PLGRKT: variants seen among roughly 807,000 people sequenced by gnomAD.
The protein encoded by PLGRKT is plasminogen receptor with a C-terminal lysine.
In PLGRKT, 22 loss-of-function variants were observed where a neutral mutation model predicts 18.5. The observed-to-expected ratio is 1.19, with a 90% confidence interval of 0.85 to 1.70. PLGRKT has a LOEUF of 1.70. Ranked by LOEUF, PLGRKT falls within the 40% of genes most tolerant of loss-of-function variation. PLGRKT has a pLI of 0.00. For missense variants in PLGRKT, 235 were observed against 174.4 expected (o/e 1.35, Z -1.96); for synonymous variants, 72 against 52.8 (o/e 1.36, Z -1.58).
intron 3 of PLGRKT, among the ~76,000 whole-genome samples, chr9:5,399,958 C>A (rs1166368540): frequency 6.6e-6 from 1 of 151,498 alleles, no homozygotes; most frequent in African/African-American, 2.4e-5. Flanking sequence ...CCACTGCACT[C>A]CAGTCTGGGC....
At chr9:5,408,643 G>T (rs1305034965) in intron 3 of PLGRKT, among the ~76,000 whole-genome samples, 1 of 152,228 alleles carries the variant, frequency 6.6e-6, no homozygotes, top group Non-Finnish European at 1.5e-5. Flanking sequence ...AAGAATTCAA[G>T]CAGGCTGCAT....
At chr9:5,406,987 T>C (rs994426884) in intron 3 of PLGRKT, among the ~76,000 whole-genome samples, 2 of 152,238 alleles carry the variant, frequency 1.3e-5, no homozygotes, top group African/African-American at 4.8e-5. Context: ...TAAAATGTAA[T>C]TGCAGAGTGT....
At chr9:5,362,598 T>G (rs1195304612) in intron 3 of PLGRKT, among the ~76,000 whole-genome samples, 1 of 152,198 alleles carries the variant, frequency 6.6e-6, no homozygotes, top group Non-Finnish European at 1.5e-5. Flanking sequence ...TTGGCATTGT[T>G]GTTGATGTTT....
chr9:5,406,994 G>A (rs1271184241), intron 3 of PLGRKT, among the ~76,000 whole-genome samples: 1 of 152,130 alleles, frequency 6.6e-6, no homozygotes, highest in Non-Finnish European at 1.5e-5. Context: ...TAATTGCAGA[G>A]TGTTTCAGGA....
At chr9:5,424,153 G>A (rs1036905730) in intron 3 of PLGRKT, among the ~76,000 whole-genome samples, 16 of 136,696 alleles carry the variant, frequency 1.2e-4, no homozygotes, top group African/African-American at 2.2e-4. Context: ...TATATTACAT[G>A]TAATAATATA....
chr9:5,419,253 G>A (rs904580588), intron 3 of PLGRKT, among the ~76,000 whole-genome samples: 3 of 152,218 alleles, frequency 2.0e-5, no homozygotes, highest in African/African-American at 7.2e-5. Flanking sequence ...GGTTCCCAAG[G>A]AAAACATTGC....
chr9:5,358,551 C>T (rs915738303), intron 5 of PLGRKT, among the ~76,000 whole-genome samples, 191 bp from the exon 6 acceptor site: 1 of 152,154 alleles, frequency 6.6e-6, no homozygotes, highest in Non-Finnish European at 1.5e-5. Context: ...TCTGAACACC[C>T]ATAAATAAAT....
chr9:5,433,689 C>T (rs1465084942), intron 2 of PLGRKT, among the ~76,000 whole-genome samples: 1 of 143,602 alleles, frequency 7.0e-6, no homozygotes, highest in South Asian at 2.3e-4. Context: ...CCGGCTGCCC[C>T]GTCTGGGAAG....
chr9:5,375,437 C>T (rs1290414627), intron 3 of PLGRKT, among the ~76,000 whole-genome samples: 1 of 151,866 alleles, frequency 6.6e-6, no homozygotes, highest in African/African-American at 2.4e-5. Flanking sequence ...ATTAGTGTGC[C>T]CAGTATCAAA....
chr9:5,414,395 T>C (rs1002562818), intron 3 of PLGRKT, among the ~76,000 whole-genome samples: 1 of 152,198 alleles, frequency 6.6e-6, no homozygotes, highest in Non-Finnish European at 1.5e-5. Context: ...CTCAAATTCC[T>C]GACTCCAGGT....
At chr9:5,428,720 T>C (rs1332387885) in intron 3 of PLGRKT, among the ~76,000 whole-genome samples, 8 of 152,180 alleles carry the variant, frequency 5.3e-5, no homozygotes, top group Non-Finnish European at 4.4e-5. Flanking sequence ...TTTTTTGAGA[T>C]AGGGTCTCGC....
intron 3 of PLGRKT, among the ~76,000 whole-genome samples, chr9:5,427,604 G>C (rs922056370): frequency 6.6e-6 from 1 of 152,102 alleles, no homozygotes; most frequent in Non-Finnish European, 1.5e-5. Flanking sequence ...TATGTACTGG[G>C]AAAACCATAG....
chr9:5,388,570 G>A (rs1817888857), intron 3 of PLGRKT, among the ~76,000 whole-genome samples: 1 of 152,098 alleles, frequency 6.6e-6, no homozygotes, highest in Non-Finnish European at 1.5e-5. Context: ...CAGCCCTTGA[G>A]GTTTTGACTT....
chr9:5,400,525 G>A (rs560281465), intron 3 of PLGRKT, among the ~76,000 whole-genome samples: 3 of 151,800 alleles, frequency 2.0e-5, no homozygotes, highest in South Asian at 4.2e-4. Context: ...ACCTAACCAG[G>A]AATTTAACAT....
chr9:5,364,621 G>A (rs942526910), intron 3 of PLGRKT, among the ~76,000 whole-genome samples: 2 of 152,176 alleles, frequency 1.3e-5, no homozygotes, highest in Non-Finnish European at 2.9e-5. Context: ...GAAAAGAACT[G>A]ATCTATCTTT....
chr9:5,385,670 A>G (rs1425010053), intron 3 of PLGRKT, among the ~76,000 whole-genome samples: 1 of 151,850 alleles, frequency 6.6e-6, no homozygotes, highest in African/African-American at 2.4e-5. Context: ...CTCATGAGTA[A>G]GGAGGAACCC....
Position 5,358,168 on chromosome 9 carries a change from T to G in PLGRKT, c.*71A>C. On this transcript the variant is annotated 3_prime_UTR_variant, in exon 6 of 6. Coordinates refer to ENST00000223864, the MANE Select transcript of PLGRKT (RefSeq NM_018465.4). Reference sequence around the variant, plus strand: ...TCTATAATATCAAAATCTTGAGCATTTAAAAAACTGTAAAAACCATGATTC... The same window carrying G: ...TCTATAATATCAAAATCTTGAGCATGTAAAAAACTGTAAAAACCATGATTC... 1 of 1,154,214 alleles carries G rather than the reference T, an allele frequency of 8.7e-7. No individual in the cohort carries two copies. The highest frequency in any genetic ancestry group is 1.2e-6 in the Non-Finnish European group (1 of 808,410). The allele number at this position is 1,154,214 out of a possible 1,614,324, so 71.5% of individuals were successfully genotyped here. A position where few individuals can be genotyped will look rare whatever the true frequency, so the allele number is the denominator to read the frequency against.
At chr9:5,369,242 A>C (rs190872644) in intron 3 of PLGRKT, among the ~76,000 whole-genome samples, 1 of 152,228 alleles carries the variant, frequency 6.6e-6, no homozygotes, top group Non-Finnish European at 1.5e-5. Context: ...TTTACAGAGA[A>C]CTTAAATTTA....
At chr9:5,432,060 T>A in intron 2 of PLGRKT, 77 bp from the exon 3 acceptor site, 1 of 694,136 alleles carries the variant, frequency 1.4e-6, no homozygotes, top group Non-Finnish European at 2.6e-6. Flanking sequence ...TGAGCTACCT[T>A]GGGCTTATGA....
Sources: allele counts gnomAD v4.1 joint callset (sites outside exome capture counted in the v4.1 genomes callset), GRCh38; gene constraint gnomAD v4.1.1; transcripts MANE v1.5; gene names NCBI Gene and HGNC (gene_info 2026-07-23, HGNC 2026-07-21).